The following FHIT variants were observed in gnomAD, a reference collection of about 807,000 sequenced individuals.
FHIT encodes the protein fragile histidine triad diadenosine triphosphatase, also known as bis(5'-adenosyl)-triphosphatase.
FHIT carries 19 observed loss-of-function variants against 17.9 expected under a neutral mutation model. That is an observed-to-expected ratio of 1.06 (90% CI 0.74 to 1.56). The LOEUF is 1.56. Among genes scored for constraint, FHIT ranks in the 40% most tolerant of loss-of-function variants. The pLI is 0.00. For synonymous variants in FHIT, 81 were observed against 69.7 expected, an observed-to-expected ratio of 1.16 and a Z score of -0.81; for missense variants, 248 against 189.2, an observed-to-expected ratio of 1.31 and a Z score of -1.82.
intron 4 of FHIT, chr3:60,617,898 G>T: frequency 4.8e-6 from 1 of 208,370 alleles, no homozygotes; most frequent in South Asian, 8.7e-5. Flanking sequence ...TAATAAATTA[G>T]CCTTCTGTGA....
chr3:60,305,398 A>G (rs6780613), intron 5 of FHIT, among the ~76,000 whole-genome samples: 67,828 of 151,822 alleles, frequency 0.45, 16,549 homozygotes, highest in East Asian at 0.85. Context: ...TTGGAATAAT[A>G]TACTTCCAGA....
intron 5 of FHIT, among the ~76,000 whole-genome samples, chr3:60,043,035 C>G (rs145068420): frequency 6.6e-6 from 1 of 152,272 alleles, no homozygotes; most frequent in East Asian, 1.9e-4. Flanking sequence ...TTTACCCTCT[C>G]CTTTTATGCC....
At chr3:61,140,706 GT>G (rs2106999513) in intron 2 of FHIT, among the ~76,000 whole-genome samples, 1 of 152,080 alleles carries the variant, frequency 6.6e-6, no homozygotes, top group South Asian at 2.1e-4. Flanking sequence ...TACCTTCCTG[GT>G]CATAGCCACC....
chr3:61,111,382 C>A (rs757616855), intron 2 of FHIT, among the ~76,000 whole-genome samples: 8 of 152,178 alleles, frequency 5.3e-5, no homozygotes, highest in Admixed American at 2.6e-4. Flanking sequence ...AAACATTAAT[C>A]ACTGGAAATA....
intron 4 of FHIT, among the ~76,000 whole-genome samples, chr3:60,625,743 GTGTCTTTTTCCATTTGTTGCTTGTGT>G (rs575009159): frequency 0.022 from 3,311 of 152,212 alleles, 59 homozygotes; most frequent in South Asian, 0.033. Flanking sequence ...TTTAATGCTT[GTGTCTTTTTCCATTTGTTGCTTGTGT>G]TGTCTTTTTC....
chr3:60,742,599 G>A (rs550925624), intron 4 of FHIT, among the ~76,000 whole-genome samples: 1 of 152,212 alleles, frequency 6.6e-6, no homozygotes, highest in South Asian at 2.1e-4. Flanking sequence ...TGCACCACAA[G>A]AAAAAAATGT....
At chr3:61,100,037 T>C (rs2035768357) in intron 2 of FHIT, among the ~76,000 whole-genome samples, 1 of 152,142 alleles carries the variant, frequency 6.6e-6, no homozygotes, top group African/African-American at 2.4e-5. Flanking sequence ...TCTATTTCCC[T>C]AATGACAGAT....
At chr3:60,101,260 C>T (rs970088565) in intron 5 of FHIT, among the ~76,000 whole-genome samples, 2 of 152,250 alleles carry the variant, frequency 1.3e-5, no homozygotes, top group Non-Finnish European at 2.9e-5. Flanking sequence ...GCCTGCAAGG[C>T]CCTGCATAAT....
intron 5 of FHIT, among the ~76,000 whole-genome samples, chr3:60,305,198 G>T (rs1708617241): frequency 6.6e-6 from 1 of 152,046 alleles, no homozygotes; most frequent in South Asian, 2.1e-4. Flanking sequence ...AGGTCAGGCA[G>T]AGATGAAAGG....
chr3:59,781,717 C>T (rs935251070), intron 8 of FHIT, among the ~76,000 whole-genome samples: 2 of 152,212 alleles, frequency 1.3e-5, no homozygotes, highest in Non-Finnish European at 2.9e-5. Context: ...AGCCTGGATG[C>T]ATTTGCTGGG....
intron 5 of FHIT, among the ~76,000 whole-genome samples, chr3:60,259,974 G>A (rs1706209582): frequency 6.6e-6 from 1 of 151,930 alleles, no homozygotes; most frequent in African/African-American, 2.4e-5. Flanking sequence ...GTACCACTGG[G>A]CCCCTTCCAG....
chr3:60,527,107 C>T (rs977066493), intron 5 of FHIT, among the ~76,000 whole-genome samples: 3 of 152,062 alleles, frequency 2.0e-5, no homozygotes, highest in Admixed American at 6.5e-5. Flanking sequence ...GTTTATTCCG[C>T]GGAAATATGA....
At chr3:60,172,455 T>TTA (rs58202133) in intron 5 of FHIT, among the ~76,000 whole-genome samples, 2 of 151,080 alleles carry the variant, frequency 1.3e-5, no homozygotes, top group African/African-American at 4.9e-5. Flanking sequence ...TTTTTTTTTT[T>TTA]AGTAGACATG....
chr3:60,120,966 G>C (rs77011490), intron 5 of FHIT, among the ~76,000 whole-genome samples: 11,721 of 152,106 alleles, frequency 0.077, 596 homozygotes, highest in Admixed American at 0.12. Flanking sequence ...GTTTTAAAAG[G>C]CTTTCTCCAC....
chr3:60,956,566 A>C (rs2107479320), intron 3 of FHIT, among the ~76,000 whole-genome samples: 1 of 152,332 alleles, frequency 6.6e-6, no homozygotes, highest in South Asian at 2.1e-4. Context: ...ACAATTTCAA[A>C]ATGCCCAGAG....
intron 4 of FHIT, among the ~76,000 whole-genome samples, chr3:60,583,828 T>C (rs1208071211): frequency 6.6e-6 from 1 of 151,994 alleles, no homozygotes; most frequent in Non-Finnish European, 1.5e-5. Flanking sequence ...TACCATCAGC[T>C]AGTATTTCAG....
chr3:60,819,092 G>A (rs552152055), intron 4 of FHIT, among the ~76,000 whole-genome samples: 2 of 148,044 alleles, frequency 1.4e-5, no homozygotes, highest in South Asian at 2.1e-4. Context: ...ATATCTGTGA[G>A]AATTTCAGAT....
At chr3:60,034,434 A>T (rs1047782810) in intron 5 of FHIT, among the ~76,000 whole-genome samples, 4 of 152,238 alleles carry the variant, frequency 2.6e-5, no homozygotes, top group African/African-American at 9.6e-5. Context: ...AGATGATATG[A>T]TCAAGAAAAT....
At chr3:59,810,053 C>A (rs775855787) in intron 8 of FHIT, among the ~76,000 whole-genome samples, 1 of 152,122 alleles carries the variant, frequency 6.6e-6, no homozygotes, top group South Asian at 2.1e-4. Flanking sequence ...TCAGAGTTTA[C>A]AAGTCACAGC....
Sources: gnomAD v4.1 joint callset for allele counts (sites outside exome capture counted in the v4.1 genomes callset) on GRCh38, gnomAD v4.1.1 for gene constraint, MANE v1.5 for transcripts, NCBI Gene and HGNC (gene_info 2026-07-23, HGNC 2026-07-21) for gene names.